The following DIAPH3 variants were observed in gnomAD, a reference collection of about 807,000 sequenced individuals.
The protein encoded by DIAPH3 is diaphanous related formin 3, also known as protein diaphanous homolog 3.
DIAPH3 carries 117 observed loss-of-function variants against 144.3 expected under a neutral mutation model. That is an observed-to-expected ratio of 0.81 (90% CI 0.70 to 0.95). The LOEUF (loss-of-function observed/expected upper bound fraction) is 0.95, where lower values mean the gene tolerates loss of function less well. Among genes scored for constraint, DIAPH3 ranks in the 40% least tolerant of loss-of-function variants. DIAPH3 has a pLI of 0.00. For missense variants in DIAPH3, 1,421 were observed against 1,412.7 expected, an observed-to-expected ratio of 1.01 and a Z score of -0.09; for synonymous variants, 519 against 488.9, an observed-to-expected ratio of 1.06 and a Z score of -0.81.
intron 4 of DIAPH3, among the ~76,000 whole-genome samples, chr13:60,068,131 A>C (rs1197879778): frequency 6.6e-6 from 1 of 152,102 alleles, no homozygotes; most frequent in African/African-American, 2.4e-5. Flanking sequence ...TTTTGTTTCC[A>C]ATTGTTTAAC....
intron 1 of DIAPH3, among the ~76,000 whole-genome samples, chr13:60,157,867 T>A (rs971268991): frequency 6.6e-6 from 1 of 152,174 alleles, no homozygotes; most frequent in African/African-American, 2.4e-5. Context: ...TTGGAGTCTG[T>A]CCCATACATG....
At chr13:59,948,247 T>C (rs2048902876) in intron 17 of DIAPH3, among the ~76,000 whole-genome samples, 1 of 152,192 alleles carries the variant, frequency 6.6e-6, no homozygotes, top group Admixed American at 6.5e-5. Context: ...ATCTTGTTTA[T>C]TTTCCATTAT....
intron 22 of DIAPH3, among the ~76,000 whole-genome samples, chr13:59,852,945 T>C (rs956248298): frequency 6.6e-6 from 1 of 152,164 alleles, no homozygotes; most frequent in Non-Finnish European, 1.5e-5. Context: ...ATAAGAAACA[T>C]GGAGAATATT....
At chr13:59,967,170 G>A (rs577368628) in intron 17 of DIAPH3, among the ~76,000 whole-genome samples, 3 of 151,932 alleles carry the variant, frequency 2.0e-5, no homozygotes, top group Non-Finnish European at 4.4e-5. Flanking sequence ...AGGTTCAAGC[G>A]ATTCTCATGC....
chr13:59,919,466 C>A (rs2047406936), intron 18 of DIAPH3, among the ~76,000 whole-genome samples: 1 of 152,026 alleles, frequency 6.6e-6, no homozygotes, highest in Non-Finnish European at 1.5e-5. Context: ...TAACAGCAGA[C>A]TTCTCAACAG....
chr13:59,873,565 CA>C (rs2044409378), intron 21 of DIAPH3, among the ~76,000 whole-genome samples: 1 of 152,100 alleles, frequency 6.6e-6, no homozygotes, highest in African/African-American at 2.4e-5. Context: ...ATTTCAGTTC[CA>C]CTATGTGCCT....
chr13:60,146,781 G>A (rs9570261), intron 1 of DIAPH3, among the ~76,000 whole-genome samples: 12,831 of 152,090 alleles, frequency 0.084, 744 homozygotes, highest in East Asian at 0.29. Flanking sequence ...GTTGATTATC[G>A]CACCATTCAA....
chr13:59,782,069 A>G (rs1344199600), intron 25 of DIAPH3, among the ~76,000 whole-genome samples: 3 of 152,190 alleles, frequency 2.0e-5, no homozygotes, highest in Non-Finnish European at 4.4e-5. Context: ...ACCCAGTCTA[A>G]GGTGTTTTTG....
At chr13:59,697,491 A>T (rs700400) in intron 27 of DIAPH3, among the ~76,000 whole-genome samples, 6 of 78,084 alleles carry the variant, frequency 7.7e-5, no homozygotes, top group South Asian at 9.6e-4. Context: ...AAAAAAAAAA[A>T]AAGAAGAGGG....
intron 24 of DIAPH3, among the ~76,000 whole-genome samples, chr13:59,828,692 T>C (rs2041601082): frequency 6.6e-6 from 1 of 150,614 alleles, no homozygotes; most frequent in African/African-American, 2.4e-5. Flanking sequence ...CACTGGGCAC[T>C]GGATCTAGTA....
At chr13:59,752,368 T>A (rs1451272044) in intron 27 of DIAPH3, among the ~76,000 whole-genome samples, 2 of 129,446 alleles carry the variant, frequency 1.5e-5, no homozygotes, top group African/African-American at 3.3e-5. Flanking sequence ...ATGTAGTCAA[T>A]TTTTTTTTTT....
chr13:59,844,105 T>TAAA (rs60906914), intron 22 of DIAPH3, among the ~76,000 whole-genome samples: 1 of 144,860 alleles, frequency 6.9e-6, no homozygotes, highest in African/African-American at 2.6e-5. Context: ...TCCCAGAACT[T>TAAA]AAAAAAAAAA....
intron 19 of DIAPH3, among the ~76,000 whole-genome samples, chr13:59,912,488 C>T (rs1490945895): frequency 2.6e-5 from 4 of 152,072 alleles, no homozygotes; most frequent in South Asian, 2.1e-4. Context: ...CTTAAGTAAG[C>T]CACACACTTA....
chr13:60,134,524 G>A (rs1272487772), intron 1 of DIAPH3, among the ~76,000 whole-genome samples: 1 of 152,184 alleles, frequency 6.6e-6, no homozygotes, highest in Admixed American at 6.5e-5. Context: ...CTGGGGCAAT[G>A]CCTGTGTGAG....
chr13:59,971,037 G>C lies in DIAPH3; in HGVS notation c.1774C>G (p.Pro592Ala), dbSNP rs1293503711. Residue 592 changes from proline to alanine, a missense_variant, in exon 16 of 28, where the codon CCT becomes GCT. Transcript: ENST00000400324. Reference sequence around the variant, plus strand: ...GGAAGTGGAGGAGGTGGTGGGGGAGGAGGTGGAGGCGGCACCCCTCCACCA... The same window carrying C: ...GGAAGTGGAGGAGGTGGTGGGGGAGCAGGTGGAGGCGGCACCCCTCCACCA... ...PSGGGVPPPP[P>A]PPPPPPLPGM... 6.2e-7 allele frequency: 1 copy of C among 1,612,698 alleles called. No homozygotes were observed. The highest frequency in any genetic ancestry group is 8.5e-7 in the Non-Finnish European group (1 of 1,179,236).
At chr13:59,802,052 G>C (rs896089740) in intron 25 of DIAPH3, among the ~76,000 whole-genome samples, 1 of 151,890 alleles carries the variant, frequency 6.6e-6, no homozygotes. Context: ...CAACTTTAAG[G>C]ATTTAATGTC....
intron 25 of DIAPH3, among the ~76,000 whole-genome samples, chr13:59,807,259 CT>C (rs1399208934): frequency 6.6e-6 from 1 of 151,690 alleles, no homozygotes; most frequent in Non-Finnish European, 1.5e-5. Flanking sequence ...AGGTCTTTCA[CT>C]TTGGTGAGAA....
intron 23 of DIAPH3, among the ~76,000 whole-genome samples, chr13:59,835,742 C>T (rs958752943): frequency 1.3e-5 from 2 of 151,654 alleles, no homozygotes; most frequent in Non-Finnish European, 3.0e-5. Flanking sequence ...ACAACTGGGC[C>T]GTGTATTATA....
intron 17 of DIAPH3, among the ~76,000 whole-genome samples, chr13:59,965,756 C>T (rs1294387017): frequency 1.3e-5 from 2 of 152,050 alleles, no homozygotes; most frequent in Non-Finnish European, 2.9e-5. Flanking sequence ...TATGCTTCAA[C>T]TAAGTACTTG....
Sources: allele counts gnomAD v4.1 joint callset (sites outside exome capture counted in the v4.1 genomes callset), GRCh38; gene constraint gnomAD v4.1.1; transcripts MANE v1.5; gene names NCBI Gene and HGNC (gene_info 2026-07-23, HGNC 2026-07-21).